SOX5: variants seen among roughly 807,000 people sequenced by gnomAD.
SOX5 encodes the protein transcription factor SOX-5.
Under a neutral mutation model 92.0 loss-of-function variants are expected in SOX5, and 9 were observed. That is an observed-to-expected ratio of 0.10 (90% confidence interval 0.06 to 0.17). SOX5 has a LOEUF of 0.17. SOX5 is among the 10% of genes least tolerant of loss of function. The pLI, the probability that SOX5 is intolerant of heterozygous loss-of-function variation, is 1.00. For missense variants in SOX5, 642 were observed against 944.5 expected, an observed-to-expected ratio of 0.68 and a Z score of 4.20; for synonymous variants, 344 against 336.3, an observed-to-expected ratio of 1.02 and a Z score of -0.25.
At chr12:23,938,250 A>G (rs1421902286) in intron 1 of SOX5, among the ~76,000 whole-genome samples, 1 of 151,008 alleles carries the variant, frequency 6.6e-6, no homozygotes, top group Non-Finnish European at 1.5e-5. Context: ...TCTGTTTCTT[A>G]GGTGATTTGG....
intron 6 of SOX5, among the ~76,000 whole-genome samples, chr12:23,707,233 G>A (rs1440806091): frequency 6.6e-6 from 1 of 152,178 alleles, no homozygotes; most frequent in Non-Finnish European, 1.5e-5. Context: ...ATTCATGGCT[G>A]ATTGGGAGAT....
chr12:24,282,359 AAAAT>A (rs1276799653), intron 2 of SOX5, among the ~76,000 whole-genome samples: 10 of 151,616 alleles, frequency 6.6e-5, no homozygotes, highest in Non-Finnish European at 1.5e-4. Context: ...AAGTATAATA[AAAAT>A]AAATCAATAA....
At chr12:24,132,798 A>T (rs1341083530) in intron 4 of SOX5, among the ~76,000 whole-genome samples, 2 of 152,158 alleles carry the variant, frequency 1.3e-5, no homozygotes, top group Admixed American at 6.6e-5. Context: ...TAACATTCTT[A>T]AAAAAACAGG....
At chr12:23,977,080 G>GA (rs1949004555) in intron 4 of SOX5, among the ~76,000 whole-genome samples, 1 of 152,060 alleles carries the variant, frequency 6.6e-6, no homozygotes, top group African/African-American at 2.4e-5. Context: ...TTCATACTTA[G>GA]ATAAAAACTA....
chr12:24,334,576 T>C (rs542421351), intron 2 of SOX5, among the ~76,000 whole-genome samples: 36 of 152,338 alleles, frequency 2.4e-4, no homozygotes, highest in Admixed American at 3.9e-4. Context: ...CACTATTTTA[T>C]ACTGCCAATG....
chr12:23,758,710 C>T (rs983678601), intron 3 of SOX5, among the ~76,000 whole-genome samples: 10 of 151,862 alleles, frequency 6.6e-5, no homozygotes, highest in African/African-American at 2.2e-4. Flanking sequence ...GAAAATTTAA[C>T]CCCTAATCCA....
chr12:23,745,054 T>G (rs1047159369), intron 4 of SOX5, among the ~76,000 whole-genome samples: 15 of 152,164 alleles, frequency 9.9e-5, no homozygotes, highest in African/African-American at 3.4e-4. Flanking sequence ...ATTCCCTTTG[T>G]AAAGATCCTG....
chr12:24,224,175 G>A (rs117380693), intron 3 of SOX5, among the ~76,000 whole-genome samples: 3,973 of 152,308 alleles, frequency 0.026, 75 homozygotes, highest in South Asian at 0.08. Flanking sequence ...AACAGTGCCT[G>A]CAAGATCATC....
chr12:23,838,024 T>C (rs1452090380), intron 3 of SOX5, among the ~76,000 whole-genome samples: 1 of 125,830 alleles, frequency 7.9e-6, no homozygotes, highest in Non-Finnish European at 1.6e-5. Context: ...ATAATATATA[T>C]ACATTTATAT....
intron 1 of SOX5, among the ~76,000 whole-genome samples, chr12:24,411,500 A>C (rs1964074030): frequency 6.6e-6 from 1 of 152,082 alleles, no homozygotes. Flanking sequence ...AATTTTTCTG[A>C]GAGTTTTTCT....
Position 24,432,596 on chromosome 12 carries a change from G to A in SOX5, c.-250-63957C>T, listed in dbSNP as rs533096003. ...TTGGGAGGCCAAGGCAGCAGATCAC[G>A]AGGTCAGGAGATCGAGACCATCCTG... On this transcript the variant is annotated intron_variant, in intron 1 of 4. Transcript: ENST00000446891. Among the ~76,000 whole-genome samples the A allele has an allele frequency of 2.0e-5, 3 of 152,150 alleles. No homozygotes were observed. In the East Asian group the frequency reaches 5.8e-4, roughly 29 times the overall value.
chr12:23,554,869 GCA>G (rs1204768179), intron 11 of SOX5, among the ~76,000 whole-genome samples: 1 of 152,106 alleles, frequency 6.6e-6, no homozygotes, highest in African/African-American at 2.4e-5. Context: ...GAGAGTAACT[GCA>G]AAACAAACTT....
chr12:23,733,823 A>T (rs2093481807), intron 6 of SOX5, among the ~76,000 whole-genome samples: 1 of 152,212 alleles, frequency 6.6e-6, no homozygotes, highest in African/African-American at 2.4e-5. Context: ...CATACTGCAA[A>T]GCTAACAGTG....
chr12:24,262,872 T>C (rs1309652930), intron 3 of SOX5, among the ~76,000 whole-genome samples: 1 of 152,144 alleles, frequency 6.6e-6, no homozygotes, highest in Non-Finnish European at 1.5e-5. Context: ...GAAATGGGAT[T>C]ACCATCAATA....
intron 2 of SOX5, among the ~76,000 whole-genome samples, chr12:24,347,333 T>G (rs1953429611): frequency 4.6e-5 from 7 of 152,150 alleles, no homozygotes. Flanking sequence ...TCCTTGAAAT[T>G]TGGTATCTGC....
intron 1 of SOX5, among the ~76,000 whole-genome samples, chr12:24,396,292 C>T (rs555202703): frequency 4.6e-5 from 7 of 152,226 alleles, no homozygotes; most frequent in Admixed American, 1.3e-4. Flanking sequence ...TAGCTGGGCA[C>T]GCTCCTGATT....
intron 4 of SOX5, among the ~76,000 whole-genome samples, chr12:24,179,411 C>T (rs1371880423): frequency 6.6e-6 from 1 of 152,072 alleles, no homozygotes; most frequent in Non-Finnish European, 1.5e-5. Context: ...TGATCTTTTC[C>T]CAGGCTATCA....
intron 3 of SOX5, among the ~76,000 whole-genome samples, chr12:23,845,148 C>T (rs1332162017): frequency 1.3e-5 from 2 of 152,172 alleles, no homozygotes; most frequent in Non-Finnish European, 2.9e-5. Context: ...ACGGTATACA[C>T]GCAGTGTATT....
At chr12:23,910,316 T>C (rs1027799039) in intron 1 of SOX5, among the ~76,000 whole-genome samples, 1 of 152,166 alleles carries the variant, frequency 6.6e-6, no homozygotes, top group Non-Finnish European at 1.5e-5. Flanking sequence ...TCAAAGTGTG[T>C]AGCAACTGTA....
Sources: gnomAD v4.1 joint callset for allele counts (sites outside exome capture counted in the v4.1 genomes callset) on GRCh38, gnomAD v4.1.1 for gene constraint, MANE v1.5 for transcripts, NCBI Gene and HGNC (gene_info 2026-07-23, HGNC 2026-07-21) for gene names.